Variants in CHRM2 observed in about 807,000 individuals in gnomAD.
CHRM2 encodes the protein cholinergic receptor muscarinic 2, also known as muscarinic acetylcholine receptor M2.
CHRM2 carries 8 observed loss-of-function variants against 25.0 expected under a neutral mutation model. That is an observed-to-expected ratio of 0.32 (90% CI 0.19 to 0.58). The LOEUF is 0.58. Among genes scored for constraint, CHRM2 ranks in the 20% least tolerant of loss-of-function variants. The pLI is 0.88. For synonymous variants in CHRM2, 202 were observed against 205.7 expected (o/e 0.98, Z 0.15); for missense variants, 440 against 567.1 (o/e 0.78, Z 2.28).
chr7:137,008,015 T>C (rs35798729), intron 3 of CHRM2, among the ~76,000 whole-genome samples: 2 of 152,110 alleles, frequency 1.3e-5, no homozygotes, highest in South Asian at 2.1e-4. Flanking sequence ...TAACTGAATA[T>C]TAAAAGACCT....
intron 2 of CHRM2, among the ~76,000 whole-genome samples, chr7:136,910,447 G>T (rs905661786): frequency 6.6e-6 from 1 of 151,744 alleles, no homozygotes. Flanking sequence ...GAACTTTAAG[G>T]CCCTTATATG....
chr7:136,898,185 T>C (rs907480791), intron 2 of CHRM2, among the ~76,000 whole-genome samples: 3 of 152,160 alleles, frequency 2.0e-5, no homozygotes, highest in African/African-American at 7.2e-5. Context: ...GTATTTCTCA[T>C]AGTCCATATA....
intron 2 of CHRM2, among the ~76,000 whole-genome samples, chr7:136,897,852 C>T (rs12707333): frequency 0.22 from 33,778 of 151,838 alleles, 4,922 homozygotes; most frequent in Non-Finnish European, 0.32. Flanking sequence ...GATTTTTAGC[C>T]GTTTCTTAAA....
chr7:136,984,697 A>G (rs1290691656), intron 2 of CHRM2, among the ~76,000 whole-genome samples: 2 of 152,004 alleles, frequency 1.3e-5, no homozygotes, highest in East Asian at 1.9e-4. Flanking sequence ...TGGCTAGAGG[A>G]AGGAGTTCCC....
intron 2 of CHRM2, among the ~76,000 whole-genome samples, chr7:136,910,979 A>G (rs1797813122): frequency 6.6e-6 from 1 of 151,862 alleles, no homozygotes; most frequent in South Asian, 2.1e-4. Flanking sequence ...AGTGGAGCTG[A>G]CATTTCATGT....
intron 2 of CHRM2, among the ~76,000 whole-genome samples, chr7:136,933,344 T>G (rs1313998986): frequency 6.6e-6 from 1 of 152,212 alleles, no homozygotes; most frequent in Non-Finnish European, 1.5e-5. Context: ...ATGATCAGCA[T>G]CATTTGCCAT....
chr7:136,939,569 T>G (rs1799641219), intron 2 of CHRM2, among the ~76,000 whole-genome samples: 1 of 152,238 alleles, frequency 6.6e-6, no homozygotes, highest in Non-Finnish European at 1.5e-5. Context: ...TACTTTCCTC[T>G]TTACAATAAG....
intron 3 of CHRM2, among the ~76,000 whole-genome samples, chr7:136,999,764 T>G (rs985624056): frequency 3.9e-5 from 6 of 152,186 alleles, no homozygotes; most frequent in African/African-American, 1.4e-4. Flanking sequence ...TGTTCCCAAC[T>G]GCTTCCCGAT....
intron 2 of CHRM2, among the ~76,000 whole-genome samples, chr7:136,960,053 G>A (rs186776322): frequency 3.3e-5 from 5 of 152,318 alleles, no homozygotes; most frequent in Admixed American, 6.5e-5. Flanking sequence ...AACGGAGAGC[G>A]AGGGAGGGAG....
rs1373004742 is a variant in CHRM2 at position 137,016,554 on chromosome 7, C to T, written c.*288C>T. 2.3e-5 allele frequency: 9 copies of T among 389,736 alleles called. No homozygotes were observed. The Admixed American group carries it at 3.6e-4, about 16-fold the overall frequency. 24.1% of individuals were successfully genotyped at this position (389,736 alleles called of 1,614,324 possible). On this transcript the variant is annotated 3_prime_UTR_variant, in exon 4 of 4. Coordinates refer to ENST00000680005, the MANE Select transcript of CHRM2 (RefSeq NM_001006630.2). ...TTTCTCATAATCTCTTGAAGAAGGG[C>T]TTCTGATTCTACAATTTTATCAGTC...
chr7:136,903,909 C>CAT (rs1286858520), intron 2 of CHRM2, among the ~76,000 whole-genome samples: 4 of 151,426 alleles, frequency 2.6e-5, no homozygotes, highest in Non-Finnish European at 4.4e-5. Context: ...TTGGAATTAT[C>CAT]ATATATATAT....
intron 2 of CHRM2, among the ~76,000 whole-genome samples, chr7:136,884,214 AACG>A (rs1324724333): frequency 1.3e-5 from 2 of 152,126 alleles, no homozygotes; most frequent in African/African-American, 4.8e-5. Context: ...TCTTTTATAA[AACG>A]ACATCAAAAT....
At chr7:136,922,359 C>T (rs1323164605) in intron 2 of CHRM2, among the ~76,000 whole-genome samples, 1 of 152,130 alleles carries the variant, frequency 6.6e-6, no homozygotes, top group Non-Finnish European at 1.5e-5. Context: ...AAGTAGGCTA[C>T]CTCTCTGGCC....
chr7:136,902,801 C>T lies in CHRM2; in HGVS notation c.-125+33383C>T, dbSNP rs575521112. 2.9e-5 allele frequency: 7 copies of T among 238,774 alleles called. No individual in the cohort carries two copies. In the South Asian group the frequency reaches 3.3e-4, roughly 11 times the overall value. 14.8% of individuals were successfully genotyped at this position (238,774 alleles called of 1,614,324 possible). A position where few individuals can be genotyped will look rare whatever the true frequency, so the allele number is the denominator to read the frequency against. ...GTAGACATTAAACTTTGAAATTCCA[C>T]AGTAAGATGTAAATATTTGCTCAAT... On this transcript the variant is annotated intron_variant, in intron 2 of 3. Transcript: ENST00000680005.
intron 2 of CHRM2, among the ~76,000 whole-genome samples, chr7:136,879,370 C>A (rs1796171180): frequency 6.6e-6 from 1 of 151,940 alleles, no homozygotes; most frequent in African/African-American, 2.4e-5. Flanking sequence ...TGCAGATGCA[C>A]AAACAAAAGG....
chr7:136,936,633 A>C lies in CHRM2; in HGVS notation c.-124-55554A>C, dbSNP rs192360365. On this transcript the variant is annotated intron_variant, in intron 2 of 3. Coordinates refer to ENST00000680005, the MANE Select transcript of CHRM2 (RefSeq NM_001006630.2). ...CTGTCTGAGTTTTGTATATGCTTAG[A>C]AATAAAGAACTAAAGTAATACAGAC... is the stretch of plus-strand genomic sequence containing the variant. Among the ~76,000 whole-genome samples the C allele has an allele frequency of 3.5e-3, 539 of 152,294 alleles. 5 individuals are homozygous for C. Among genetic ancestry groups the C allele is most frequent in the South Asian group, 0.026 (127 of 4,832 alleles).
At chr7:136,915,612 C>T (rs1798061389) in intron 2 of CHRM2, among the ~76,000 whole-genome samples, 1 of 151,744 alleles carries the variant, frequency 6.6e-6, no homozygotes, top group Admixed American at 6.6e-5. Flanking sequence ...TCTAGACTTA[C>T]ATATATCAAC....
chr7:136,897,706 A>C (rs931920207), intron 2 of CHRM2, among the ~76,000 whole-genome samples: 5 of 151,944 alleles, frequency 3.3e-5, no homozygotes, highest in Non-Finnish European at 5.9e-5. Flanking sequence ...GGAAAAAAAA[A>C]AGACAGACAT....
At chr7:136,876,173 T>C (rs1314515244) in intron 2 of CHRM2, among the ~76,000 whole-genome samples, 1 of 152,186 alleles carries the variant, frequency 6.6e-6, no homozygotes, top group Non-Finnish European at 1.5e-5. Flanking sequence ...GCCCTTATTA[T>C]TCATAGCAAC....
Sources: gnomAD v4.1 joint callset for allele counts (sites outside exome capture counted in the v4.1 genomes callset) on GRCh38, gnomAD v4.1.1 for gene constraint, MANE v1.5 for transcripts, NCBI Gene and HGNC (gene_info 2026-07-23, HGNC 2026-07-21) for gene names.